LINGO2: variants seen among roughly 807,000 people sequenced by gnomAD.
LINGO2 encodes the protein leucine-rich repeat and immunoglobulin-like domain-containing nogo receptor-interacting protein 2.
LINGO2 carries 14 observed loss-of-function variants against 30.6 expected under a neutral mutation model. The ratio of observed to expected loss-of-function variants is 0.46; its 90% CI spans 0.30 to 0.72. The LOEUF is 0.72. Among genes scored for constraint, LINGO2 ranks in the 30% least tolerant of loss-of-function variants. The probability of loss-of-function intolerance (pLI) is 0.07; values close to 1 mark genes in which losing one functional copy is unlikely to be tolerated. For synonymous variants in LINGO2, 317 were observed against 288.5 expected, an observed-to-expected ratio of 1.10 and a Z score of -1.00; for missense variants, 729 against 751.7, an observed-to-expected ratio of 0.97 and a Z score of 0.35.
chr9:28,207,064 A>C lies in LINGO2; in HGVS notation c.-87+88144T>G, dbSNP rs10812757. Among the ~76,000 whole-genome samples, 1,324 of 152,152 alleles carry C rather than the reference A, an allele frequency of 8.7e-3. 16 individuals are homozygous for C. The highest frequency in any genetic ancestry group is 0.029 in the African/African-American group (1,216 of 41,540). ...AAACAGTTTTAAAAATTACACCTTC[A>C]CAAGTTAAATGTTTAATTATAGAAT... On this transcript the variant is annotated intron_variant, in intron 4 of 5. Coordinates refer to ENST00000379992, the Ensembl canonical transcript of LINGO2.
intron 2 of LINGO2, among the ~76,000 whole-genome samples, chr9:28,391,359 T>A (rs1476784919): frequency 1.3e-5 from 2 of 152,186 alleles, no homozygotes; most frequent in Non-Finnish European, 1.5e-5. Context: ...CCTGAGATTA[T>A]CTAAGGGCTT....
At chr9:28,921,840 C>T in the LINGO2 span, among the ~76,000 whole-genome samples, 1 of 152,108 alleles carries the variant, frequency 6.6e-6, no homozygotes, top group Non-Finnish European at 1.5e-5. Flanking sequence ...TTGTAAACAT[C>T]GGCAGGAGAT....
intron 2 of LINGO2, among the ~76,000 whole-genome samples, chr9:28,452,188 A>C (rs1331847907): frequency 6.6e-6 from 1 of 151,834 alleles, no homozygotes; most frequent in Admixed American, 6.6e-5. Context: ...AAACTAAGTC[A>C]ATATTCAGAC....
chr9:29,095,479 G>A, the LINGO2 span, among the ~76,000 whole-genome samples: 1 of 137,830 alleles, frequency 7.3e-6, no homozygotes, highest in Admixed American at 7.4e-5. Flanking sequence ...AAACACAATA[G>A]GTTAGCCTTA....
At chr9:28,057,530 T>TACAC (rs143066022) in intron 4 of LINGO2, among the ~76,000 whole-genome samples, 1 of 145,088 alleles carries the variant, frequency 6.9e-6, no homozygotes, top group Non-Finnish European at 1.5e-5. Flanking sequence ...TGTATATATA[T>TACAC]ACACACACAC....
chr9:28,638,651 G>A (rs1004206972), intron 1 of LINGO2, among the ~76,000 whole-genome samples: 18 of 152,106 alleles, frequency 1.2e-4, no homozygotes, highest in Middle Eastern at 3.4e-3. Context: ...TATTTCTGTG[G>A]GATCGGCGGT....
At chr9:29,190,363 A>T in the LINGO2 span, among the ~76,000 whole-genome samples, 7 of 152,318 alleles carry the variant, frequency 4.6e-5, no homozygotes, top group South Asian at 4.1e-4. Context: ...ACCAAATTTG[A>T]GTAAGCTGAC....
chr9:28,803,469 C>G, the LINGO2 span, among the ~76,000 whole-genome samples: 3 of 151,588 alleles, frequency 2.0e-5, no homozygotes, highest in Admixed American at 1.3e-4. Context: ...TAATTCTGAA[C>G]AAAGAGTTGA....
chr9:29,086,186 A>G, the LINGO2 span, among the ~76,000 whole-genome samples: 5 of 152,186 alleles, frequency 3.3e-5, no homozygotes, highest in African/African-American at 4.8e-5. Flanking sequence ...CCATGGTTAG[A>G]GAACATAGCT....
chr9:29,062,236 T>C, the LINGO2 span, among the ~76,000 whole-genome samples: 5 of 152,060 alleles, frequency 3.3e-5, no homozygotes, highest in African/African-American at 9.7e-5. Context: ...GCACTGTTGC[T>C]GGGGATATAA....
At chr9:28,939,852 T>C in the LINGO2 span, among the ~76,000 whole-genome samples, 1 of 152,142 alleles carries the variant, frequency 6.6e-6, no homozygotes, top group African/African-American at 2.4e-5. Context: ...TCTTTACCTT[T>C]ATTAAGACCT....
chr9:28,888,632 CA>C, the LINGO2 span, among the ~76,000 whole-genome samples: 1 of 152,050 alleles, frequency 6.6e-6, no homozygotes, highest in Admixed American at 6.6e-5. Context: ...GCTGAGTTTA[CA>C]AAGATAAGAT....
intron 4 of LINGO2, among the ~76,000 whole-genome samples, chr9:28,159,101 G>A (rs1488777738): frequency 3.9e-5 from 6 of 152,292 alleles, no homozygotes; most frequent in Non-Finnish European, 8.8e-5. Context: ...TTGAGTGGAT[G>A]ACAGACTGCT....
rs185548736 is a variant in LINGO2 at position 28,244,978 on chromosome 9, C to G, written c.-87+50230G>C. The stretch of plus-strand genomic sequence containing the variant: ...TATGAGGCCAGCATCATTCTGATAC[C>G]AACACCTGGCAGAGACACAACAAAA... On this transcript the variant is annotated intron_variant, in intron 4 of 5. Coordinates refer to ENST00000379992, the Ensembl canonical transcript of LINGO2. Among the ~76,000 whole-genome samples, 9 of 152,204 alleles carry G rather than the reference C, an allele frequency of 5.9e-5. No individual in the cohort carries two copies. The East Asian group carries it at 1.5e-3, about 26-fold the overall frequency.
the LINGO2 span, among the ~76,000 whole-genome samples, chr9:29,207,046 T>C: frequency 9.2e-5 from 14 of 152,006 alleles, no homozygotes; most frequent in African/African-American, 2.9e-4. Context: ...TGTACATATA[T>C]ATATGTAAAT....
At chr9:28,470,253 T>A (rs938392383) in intron 2 of LINGO2, among the ~76,000 whole-genome samples, 2 of 152,228 alleles carry the variant, frequency 1.3e-5, no homozygotes, top group Non-Finnish European at 2.9e-5. Context: ...TTTGTTGTCA[T>A]ATATTTTACC....
chr9:29,151,391 G>C, the LINGO2 span, among the ~76,000 whole-genome samples: 1 of 152,084 alleles, frequency 6.6e-6, no homozygotes, highest in Admixed American at 6.6e-5. Context: ...AGGATCAAAA[G>C]CTATTATATC....
Position 28,049,281 on chromosome 9 carries a change from C to T in LINGO2, c.-86-36876G>A, listed in dbSNP as rs188693230. 5.9e-4 allele frequency among the ~76,000 whole-genome samples: 89 copies of T among 150,750 alleles called. 1 individual carries two copies. The highest frequency in any genetic ancestry group is 5.2e-4 in the Non-Finnish European group (35 of 67,852). On this transcript the variant is annotated intron_variant, in intron 4 of 5. Coordinates refer to ENST00000379992, the Ensembl canonical transcript of LINGO2. ...ACAAGAATAACCCAATATATCTCAG[C>T]CCTGTTGGTCTAGTGGAGGTAGACA...
chr9:29,041,763 C>G, the LINGO2 span, among the ~76,000 whole-genome samples: 1 of 151,900 alleles, frequency 6.6e-6, no homozygotes, highest in Non-Finnish European at 1.5e-5. Flanking sequence ...AGACTTAACA[C>G]TGAAATCAGG....
Sources: gnomAD v4.1 joint callset for allele counts (sites outside exome capture counted in the v4.1 genomes callset) on GRCh38, gnomAD v4.1.1 for gene constraint, MANE v1.5 for transcripts, NCBI Gene and HGNC (gene_info 2026-07-23, HGNC 2026-07-21) for gene names.